FBXO5: variants seen among roughly 807,000 people sequenced by gnomAD.
The protein encoded by FBXO5 is F-box only protein 5.
Under a neutral mutation model 43.3 loss-of-function variants are expected in FBXO5, and 8 were observed. The observed-to-expected ratio is 0.18, with a 90% CI of 0.11 to 0.33. The LOEUF is 0.33. FBXO5 is among the 10% of genes least tolerant of loss of function. FBXO5 has a pLI of 1.00. For synonymous variants in FBXO5, 204 were observed against 193.7 expected (o/e 1.05, Z -0.44); for missense variants, 491 against 535.7 (o/e 0.92, Z 0.82).
intron 1 of FBXO5, among the ~76,000 whole-genome samples, chr6:152,982,576 C>A (rs1177330808): frequency 6.6e-6 from 1 of 152,092 alleles, no homozygotes; most frequent in Non-Finnish European, 1.5e-5. Flanking sequence ...TGGGATGCCA[C>A]GACCCGCACC....
chr6:152,981,143 C>T (rs373053026), intron 1 of FBXO5, among the ~76,000 whole-genome samples: 1 of 152,190 alleles, frequency 6.6e-6, no homozygotes, highest in African/African-American at 2.4e-5. Context: ...TTTTGACTAG[C>T]TTTGTGAACT....
At chr6:152,983,373 G>A (rs1778299479), upstream of FBXO5, 1 of 170,480 alleles carries the variant, frequency 5.9e-6, no homozygotes, top group Admixed American at 6.4e-5. Context: ...CTTCTGGACC[G>A]GCCTCCTGCA....
intron 3 of FBXO5, chr6:152,972,835 A>C: frequency 2.2e-6 from 1 of 450,894 alleles, no homozygotes; most frequent in Non-Finnish European, 3.8e-6. Flanking sequence ...TCCCTTTGTT[A>C]CTTTAGACAT....
rs746715283 is a variant in FBXO5 at position 152,973,060 on chromosome 6, T to C, written c.895A>G (p.Ile299Val). The C allele has an allele frequency of 6.2e-7, 1 of 1,613,694 alleles. No homozygotes were observed. Among genetic ancestry groups the C allele is most frequent in the Admixed American group, 1.7e-5 (1 of 60,026 alleles). Residue 299 changes from isoleucine (I) to valine (V), a missense_variant, in exon 3 of 5, where the codon ATA becomes GTA. Transcript: ENST00000229758. ...KGAFQLYSKA[I>V]QRVTENNNKF... ...CAAACACTTACGGTAACTCTTTGTA[T>C]TGCTTTACTGTACAACTGGAATGCC...
Position 152,975,155 on chromosome 6 carries a change from G to A in FBXO5, c.570C>T (p.Asn190=), listed in dbSNP as rs773495961. The A allele has an allele frequency of 5.6e-6, 9 of 1,614,036 alleles. No individual in the cohort carries two copies. Among genetic ancestry groups the A allele is most frequent in the Non-Finnish European group, 8.5e-7 (1 of 1,180,026 alleles). The change falls in exon 2 of 5, where the codon AAC becomes AAT. Residue 190 remains asparagine, a synonymous_variant. Transcript: ENST00000229758. The part of the protein sequence containing the change: ...IQSPDQYPNK[N]LLPVLHFEKV... The stretch of plus-strand genomic sequence containing the variant: ...TTTCAAAATGAAGAACTGGCAGCAA[G>A]TTTTTGTTGGGATATTGGTCTGGGC...
At chr6:152,978,246 T>C (rs904151917) in intron 1 of FBXO5, among the ~76,000 whole-genome samples, 1 of 152,034 alleles carries the variant, frequency 6.6e-6, no homozygotes, top group African/African-American at 2.4e-5. Flanking sequence ...CTGGCCCTTT[T>C]CCAGTCCTTA....
intron 1 of FBXO5, among the ~76,000 whole-genome samples, chr6:152,981,823 C>A (rs1778265170): frequency 6.6e-6 from 1 of 151,922 alleles, no homozygotes; most frequent in Admixed American, 6.6e-5. Flanking sequence ...TAGTACAATG[C>A]CGAATTGCTA....
At chr6:152,976,430 G>C (rs1407632063) in intron 1 of FBXO5, among the ~76,000 whole-genome samples, 1 of 152,018 alleles carries the variant, frequency 6.6e-6, no homozygotes, top group Non-Finnish European at 1.5e-5. Flanking sequence ...TAGTAAACTC[G>C]AGTACCGGGA....
rs1778154503 is a variant in FBXO5 at position 152,975,451 on chromosome 6, T to G, written c.274A>C (p.Arg92=). ...ATCGGTGACCCAATACATGACAGCC[T>G]TTCATAGTCTTTAATGCAGTCTTTA... ...SCKDCIKDYE[R]LSCIGSPIVS... is the part of the protein sequence containing the mutation. The change falls in exon 2 of 5, where the codon AGG becomes CGG. Residue 92 remains arginine, a synonymous_variant. Transcript: ENST00000229758. 6.2e-7 allele frequency: 1 copy of G among 1,614,052 alleles called. No individual in the cohort carries two copies. The highest frequency in any genetic ancestry group is 8.5e-7 in the Non-Finnish European group (1 of 1,180,010).
chr6:152,975,309 C>T lies in FBXO5; in HGVS notation c.416G>A (p.Ser139Asn). The T allele has an allele frequency of 1.2e-6, 2 of 1,614,174 alleles. No homozygotes were observed. Among genetic ancestry groups the T allele is most frequent in the Non-Finnish European group, 1.7e-6 (2 of 1,180,028 alleles). Reference protein sequence around the residue: ...STNEIEALETSRLYEDSGYSS... With the variant: ...STNEIEALETNRLYEDSGYSS... ...ATAGCCACTGTCTTCATAAAGTCTA[C>T]TGGTCTCTAGTGCTTCTATTTCATT... The change falls in exon 2 of 5, where the codon AGT becomes AAT. Residue 139 changes from serine (S) to asparagine (N), a missense_variant. Transcript: ENST00000229758.
At chr6:152,979,392 A>C (rs530392733) in intron 1 of FBXO5, among the ~76,000 whole-genome samples, 2 of 152,302 alleles carry the variant, frequency 1.3e-5, no homozygotes, top group African/African-American at 4.8e-5. Context: ...TCTCAGCCTT[A>C]GTCTGGGGCT....
At position 152,972,455 on chromosome 6, in the gene FBXO5, C is replaced by T; in HGVS notation, c.910-1G>A. 6.4e-7 allele frequency: 1 copy of T among 1,568,754 alleles called. No homozygotes were observed. The highest frequency in any genetic ancestry group is 8.6e-7 in the Non-Finnish European group (1 of 1,159,392). ...GAGGTGAAAATTTATTGTTGTTTTC[C>T]TAATTTAAAAAAAAGTTTTAATAGA... On this transcript the variant is annotated splice_acceptor_variant, in intron 3 of 4. Coordinates refer to ENST00000229758, the MANE Select transcript of FBXO5 (RefSeq NM_012177.5). LOFTEE classifies it high-confidence loss of function.
At chr6:152,978,391 GGGC>G (rs1562292213) in intron 1 of FBXO5, among the ~76,000 whole-genome samples, 30 of 42,698 alleles carry the variant, frequency 7.0e-4, no homozygotes, top group African/African-American at 1.2e-3. Context: ...GGGGGGGGGG[GGGC>G]GGGGGACTTC....
intron 4 of FBXO5, 70 bp from the exon 5 acceptor site, chr6:152,971,484 A>G: frequency 6.7e-7 from 1 of 1,484,692 alleles, no homozygotes; most frequent in Non-Finnish European, 9.0e-7. Context: ...AATAAAACCA[A>G]GGACACCCTT....
At position 152,973,036 on chromosome 6, in the gene FBXO5, A is replaced by C; in HGVS notation, c.909+10T>G. 1 of 1,609,960 alleles carries C rather than the reference A, an allele frequency of 6.2e-7. No homozygotes were observed. Reference sequence around the variant, plus strand: ...ATTTTTAACTAAAAACATCATCTGCAAACACTTACGGTAACTCTTTGTATT... The same window carrying C: ...ATTTTTAACTAAAAACATCATCTGCCAACACTTACGGTAACTCTTTGTATT... On this transcript the variant is annotated intron_variant, in intron 3 of 4. Coordinates refer to ENST00000229758, the MANE Select transcript of FBXO5 (RefSeq NM_012177.5).
In FBXO5 at chr6:152,975,067, G is replaced by T. The variant is rs1455831551; in HGVS notation, c.658C>A (p.Leu220Met). ...TTTCCTCTGGCTATAATTTCCTTCA[G>T]CATCTCCCGATCTACTTTAGGATTT... ...KRNPKVDREM[L>M]KEIIARGNFR... The change falls in exon 2 of 5, where the codon CTG becomes ATG. Residue 220 changes from leucine (L) to methionine (M), a missense_variant. Coordinates refer to ENST00000229758, the MANE Select transcript of FBXO5 (RefSeq NM_012177.5). The T allele has an allele frequency of 1.2e-6, 2 of 1,613,948 alleles. No individual in the cohort carries two copies. Among genetic ancestry groups the T allele is most frequent in the African/African-American group, 2.7e-5 (2 of 74,904 alleles).
At chr6:152,982,355 C>T (rs886353406) in intron 1 of FBXO5, among the ~76,000 whole-genome samples, 1 of 152,032 alleles carries the variant, frequency 6.6e-6, no homozygotes, top group Non-Finnish European at 1.5e-5. Flanking sequence ...CGCGAAAAAT[C>T]GGGGAAACTG....
At chr6:152,982,768 G>T in intron 1 of FBXO5, 89 bp downstream of exon 1, 2 of 909,156 alleles carry the variant, frequency 2.2e-6, no homozygotes, top group South Asian at 2.1e-5. Flanking sequence ...AGGCTCCGAG[G>T]GACGTCGGGT....
In FBXO5 at chr6:152,971,516, T is replaced by C. The variant is rs1584076990; in HGVS notation, c.1093-102A>G. 7.6e-6 allele frequency: 9 copies of C among 1,190,030 alleles called. No homozygotes were observed. In the South Asian group the frequency reaches 1.2e-4, roughly 16 times the overall value. 73.7% of individuals were successfully genotyped at this position (1,190,030 alleles called of 1,614,324 possible). ...CCTTGCACCTTCCCCAATTCATGTATGAAATATCACTGTCACACATACGAT... is the reference window on the plus strand; with the variant it reads ...CCTTGCACCTTCCCCAATTCATGTACGAAATATCACTGTCACACATACGAT... On this transcript the variant is annotated intron_variant, in intron 4 of 4. Transcript: ENST00000229758.
Sources: gnomAD v4.1 joint callset for allele counts (sites outside exome capture counted in the v4.1 genomes callset) on GRCh38, gnomAD v4.1.1 for gene constraint, MANE v1.5 for transcripts, NCBI Gene and HGNC (gene_info 2026-07-23, HGNC 2026-07-21) for gene names.